FGGY: variants seen among roughly 807,000 people sequenced by gnomAD.
The protein encoded by FGGY is FGGY carbohydrate kinase domain containing, also known as FGGY carbohydrate kinase domain-containing protein.
In FGGY, 72 loss-of-function variants were observed where a neutral mutation model predicts 71.3. The observed-to-expected ratio is 1.01, with a 90% confidence interval of 0.84 to 1.23. FGGY has a LOEUF of 1.23. Among genes scored for constraint, FGGY ranks in the 50% most tolerant of loss-of-function variants. The pLI, the probability that FGGY is intolerant of heterozygous loss-of-function variation, is 0.00. For synonymous variants in FGGY, 251 were observed against 250.3 expected (o/e 1.00, Z -0.02); for missense variants, 668 against 682.3 (o/e 0.98, Z 0.23).
intron 12 of FGGY, among the ~76,000 whole-genome samples, chr1:59,661,729 TTTTTG>T (rs973981428): frequency 2.0e-5 from 3 of 148,038 alleles, no homozygotes; most frequent in African/African-American, 7.8e-5. Flanking sequence ...TTTGTTTTTG[TTTTTG>T]TTTTGAGACA....
At chr1:59,647,388 A>G (rs2097105398) in intron 11 of FGGY, among the ~76,000 whole-genome samples, 1 of 152,212 alleles carries the variant, frequency 6.6e-6, no homozygotes, top group Admixed American at 6.5e-5. Context: ...AGAATTCACC[A>G]ATAGAGTAAG....
Position 59,550,077 on chromosome 1 carries a change from AAC to A in FGGY, c.800-4043_800-4042del, listed in dbSNP as rs149944393. ...TGGGCATTGTGCAAGTTTCAGGGAAAACACAGTTGATGATGTCACTGTTTTTT... is the reference window on the plus strand; with the variant it reads ...TGGGCATTGTGCAAGTTTCAGGGAAAACAGTTGATGATGTCACTGTTTTTT... On this transcript the variant is annotated intron_variant, in intron 7 of 15. Coordinates refer to ENST00000303721, the MANE Select transcript of FGGY (RefSeq NM_018291.5). Among the ~76,000 whole-genome samples the A allele has an allele frequency of 3.0e-4, 46 of 152,338 alleles. 2 individuals are homozygous for A. The East Asian group carries it at 8.9e-3, about 29-fold the overall frequency.
chr1:59,588,460 C>T (rs2096357276), intron 8 of FGGY, among the ~76,000 whole-genome samples: 1 of 152,000 alleles, frequency 6.6e-6, no homozygotes, highest in Non-Finnish European at 1.5e-5. Flanking sequence ...AAAGATACTC[C>T]TCGAGAAGAG....
In FGGY at chr1:59,329,906, T is replaced by C. The variant is rs74085947; in HGVS notation, c.201+8156T>C. Among the ~76,000 whole-genome samples the C allele has an allele frequency of 5.3e-3, 811 of 152,352 alleles. 5 individuals carry two copies. The highest frequency in any genetic ancestry group is 0.018 in the African/African-American group (762 of 41,582). On this transcript the variant is annotated intron_variant, in intron 2 of 15. Transcript: ENST00000303721. ...GCTATTATACTGAACAGCACAGATA[T>C]AGCACATTTTCATTATTGTAGAAAG...
chr1:59,603,802 A>C (rs1395547575), intron 8 of FGGY, among the ~76,000 whole-genome samples: 3 of 152,212 alleles, frequency 2.0e-5, no homozygotes, highest in African/African-American at 7.2e-5. Context: ...CAGTTTGAGT[A>C]AGTCTGTGTT....
In FGGY at chr1:59,698,650, T is replaced by G. The variant is rs542543186; in HGVS notation, c.1512+24517T>G. 6.1e-5 allele frequency: 39 copies of G among 639,558 alleles called. No individual in the cohort carries two copies. The Admixed American group carries it at 1.8e-3, about 29-fold the overall frequency. 39.6% of individuals were successfully genotyped at this position (639,558 alleles called of 1,614,324 possible). On this transcript the variant is annotated intron_variant, in intron 14 of 15. Coordinates refer to ENST00000303721, the MANE Select transcript of FGGY (RefSeq NM_018291.5). ...CACTTGGGAATTTTTTTTTCTTGCT[T>G]CTGACCCACCTCTCCCCTTTCTTTT...
At chr1:59,663,290 T>A (rs931497556) in intron 12 of FGGY, among the ~76,000 whole-genome samples, 1 of 152,242 alleles carries the variant, frequency 6.6e-6, no homozygotes, top group Non-Finnish European at 1.5e-5. Context: ...AGGCTTCTGC[T>A]CTTTCCACTT....
chr1:59,690,474 C>T (rs1447226436), intron 14 of FGGY, among the ~76,000 whole-genome samples: 1 of 152,164 alleles, frequency 6.6e-6, no homozygotes, highest in African/African-American at 2.4e-5. Context: ...AATACTGAAA[C>T]CCATCTCTAT....
At chr1:59,495,316 G>A (rs1274256873) in intron 6 of FGGY, among the ~76,000 whole-genome samples, 3 of 151,986 alleles carry the variant, frequency 2.0e-5, no homozygotes, top group African/African-American at 7.2e-5. Flanking sequence ...CTTTTGCTGT[G>A]TGGAAGCTTT....
At chr1:59,428,645 T>C (rs2066799686) in intron 5 of FGGY, among the ~76,000 whole-genome samples, 1 of 152,216 alleles carries the variant, frequency 6.6e-6, no homozygotes, top group Non-Finnish European at 1.5e-5. Context: ...ATTTGAGAAA[T>C]GGGGCTATAG....
intron 7 of FGGY, among the ~76,000 whole-genome samples, chr1:59,533,880 A>G (rs1242954316): frequency 6.6e-6 from 1 of 152,224 alleles, no homozygotes; most frequent in African/African-American, 2.4e-5. Flanking sequence ...AAAGATGGGG[A>G]AAAAACAGAG....
intron 6 of FGGY, among the ~76,000 whole-genome samples, chr1:59,497,832 G>T (rs1243411388): frequency 1.3e-5 from 2 of 152,116 alleles, no homozygotes; most frequent in Non-Finnish European, 2.9e-5. Context: ...CAACTCTGTC[G>T]GCGCTGCTAT....
intron 7 of FGGY, among the ~76,000 whole-genome samples, chr1:59,539,289 G>A (rs1192232051): frequency 6.6e-6 from 1 of 152,162 alleles, no homozygotes; most frequent in Admixed American, 6.5e-5. Flanking sequence ...CTAAAACTTA[G>A]ATGGAAAGGA....
intron 1 of FGGY, among the ~76,000 whole-genome samples, chr1:59,312,465 A>G (rs990244553): frequency 3.9e-5 from 6 of 152,198 alleles, no homozygotes; most frequent in Non-Finnish European, 7.3e-5. Context: ...TTCTCTGTAA[A>G]GGGAATGGCT....
chr1:59,409,759 A>G (rs1235192538), intron 5 of FGGY, among the ~76,000 whole-genome samples: 5 of 152,132 alleles, frequency 3.3e-5, no homozygotes, highest in African/African-American at 9.7e-5. Context: ...CTTGGTTTAC[A>G]TGACCCTTCT....
At chr1:59,419,829 G>T (rs2065099312) in intron 5 of FGGY, among the ~76,000 whole-genome samples, 1 of 145,708 alleles carries the variant, frequency 6.9e-6, no homozygotes, top group Non-Finnish European at 1.5e-5. Flanking sequence ...ATGTGTCAAT[G>T]GATTTTTTTT....
Position 59,762,467 on chromosome 1 carries a change from T to C in FGGY, c.1575-36T>C, listed in dbSNP as rs757275465. 1.4e-5 allele frequency: 22 copies of C among 1,548,782 alleles called. No homozygotes were observed. The Admixed American group carries it at 3.7e-4, about 26-fold the overall frequency. ...AGGGAAGCCCTGTGGCAGTTTTGTC[T>C]TGAGATCATTCAACATATTTATATT... On this transcript the variant is annotated intron_variant, in intron 15 of 15. Coordinates refer to ENST00000303721, the MANE Select transcript of FGGY (RefSeq NM_018291.5).
intron 7 of FGGY, among the ~76,000 whole-genome samples, chr1:59,536,524 C>A (rs915938844): frequency 2.6e-5 from 4 of 151,962 alleles, no homozygotes. Flanking sequence ...GAGACACAAC[C>A]AAAAAAGAGA....
At chr1:59,716,471 G>A (rs1018742855) in intron 14 of FGGY, among the ~76,000 whole-genome samples, 3 of 152,126 alleles carry the variant, frequency 2.0e-5, no homozygotes, top group African/African-American at 7.2e-5. Context: ...TGATCTCTGA[G>A]CTCCCAGGAA....
Sources: allele counts gnomAD v4.1 joint callset (sites outside exome capture counted in the v4.1 genomes callset), GRCh38; gene constraint gnomAD v4.1.1; transcripts MANE v1.5; gene names NCBI Gene and HGNC (gene_info 2026-07-23, HGNC 2026-07-21).